Variants in PCDH15 observed in about 807,000 individuals in gnomAD.
PCDH15 encodes the protein protocadherin related 15, also known as protocadherin-15.
PCDH15 carries 129 observed loss-of-function variants against 178.5 expected under a neutral mutation model. The ratio of observed to expected loss-of-function variants is 0.72; its 90% confidence interval spans 0.63 to 0.84. The LOEUF (loss-of-function observed/expected upper bound fraction) is 0.84. Ranked by LOEUF, PCDH15 falls within the 40% of genes least tolerant of loss-of-function variation. The probability of loss-of-function intolerance (pLI) is 0.00; values close to 1 mark genes in which losing one functional copy is unlikely to be tolerated. For synonymous variants in PCDH15, 800 were observed against 732.0 expected, an observed-to-expected ratio of 1.09 and a Z score of -1.50; for missense variants, 2,230 against 2,099.9, an observed-to-expected ratio of 1.06 and a Z score of -1.21.
At chr10:54,103,158 TTC>T (rs1347505306) in intron 15 of PCDH15, among the ~76,000 whole-genome samples, 1 of 152,184 alleles carries the variant, frequency 6.6e-6, no homozygotes, top group Non-Finnish European at 1.5e-5. Flanking sequence ...GGGGTCATGA[TTC>T]TCTGTTTTTA....
In PCDH15 at chr10:54,757,561, G is replaced by C. The variant is rs558822303; in HGVS notation, c.-29+43364C>G. Among the ~76,000 whole-genome samples the C allele has an allele frequency of 1.4e-3, 44 of 32,322 alleles. 18 individuals are homozygous for C. Among genetic ancestry groups the C allele is most frequent in the African/African-American group, 7.7e-3 (43 of 5,592 alleles). 21.2% of individuals were successfully genotyped at this position (32,322 alleles called of 152,430 possible). On this transcript the variant is annotated intron_variant, in intron 1 of 37. Coordinates refer to ENST00000644397, the MANE Select transcript of PCDH15 (RefSeq NM_001384140.1). The stretch of plus-strand genomic sequence containing the variant: ...CTCCCAAAGTGCTGGGATTACAGGC[G>C]TGAGCCACCGCGCCCGGCCAATTCT...
intron 2 of PCDH15, among the ~76,000 whole-genome samples, chr10:55,071,691 G>A (rs1280904528): frequency 6.6e-6 from 1 of 152,078 alleles, no homozygotes; most frequent in East Asian, 1.9e-4. Flanking sequence ...AGATCAACGA[G>A]CCAGAAAGTT....
upstream of PCDH15, among the ~76,000 whole-genome samples, chr10:54,803,116 T>C (rs866396459): frequency 6.6e-6 from 1 of 152,164 alleles, no homozygotes; most frequent in Non-Finnish European, 1.5e-5. Flanking sequence ...GAGATGATAT[T>C]TTCTTTGAAA....
At chr10:54,427,272 T>A (rs1413003033) in intron 3 of PCDH15, among the ~76,000 whole-genome samples, 1 of 119,296 alleles carries the variant, frequency 8.4e-6, no homozygotes, top group African/African-American at 4.4e-5. Context: ...TTTTCTGGTT[T>A]TTTTTTTTTT....
chr10:54,987,802 C>T (rs562362132), intron 2 of PCDH15, among the ~76,000 whole-genome samples: 26 of 151,496 alleles, frequency 1.7e-4, no homozygotes, highest in Non-Finnish European at 2.9e-4. Context: ...TTTTTCCCCA[C>T]GCTGTAGGTT....
intron 2 of PCDH15, among the ~76,000 whole-genome samples, chr10:54,588,721 G>A (rs1052618392): frequency 1.3e-5 from 2 of 152,006 alleles, no homozygotes; most frequent in African/African-American, 2.4e-5. Context: ...GACTACAGTT[G>A]CATGTGACCA....
rs563435097 is a variant in PCDH15, at chr10:53,950,994, T to C, written c.3122+8738A>G. ...GTTACTGTGGACTGAAATCTGTTTATGTTTGTATGAAGGACATAGTTCCTA... is the reference window on the plus strand; with the variant it reads ...GTTACTGTGGACTGAAATCTGTTTACGTTTGTATGAAGGACATAGTTCCTA... On this transcript the variant is annotated intron_variant, in intron 23 of 37. Coordinates refer to ENST00000644397, the MANE Select transcript of PCDH15 (RefSeq NM_001384140.1). 3.3e-5 allele frequency among the ~76,000 whole-genome samples: 5 copies of C among 152,314 alleles called. No homozygotes were observed. In the South Asian group the frequency reaches 1.0e-3, roughly 32 times the overall value.
At chr10:53,910,986 C>A (rs1329541372) in intron 25 of PCDH15, among the ~76,000 whole-genome samples, 1 of 152,080 alleles carries the variant, frequency 6.6e-6, no homozygotes, top group Non-Finnish European at 1.5e-5. Flanking sequence ...AAGAAATGAA[C>A]AAAGCCTCCA....
chr10:55,068,646 A>G (rs550262995), intron 2 of PCDH15, among the ~76,000 whole-genome samples: 1 of 152,104 alleles, frequency 6.6e-6, no homozygotes, highest in East Asian at 1.9e-4. Flanking sequence ...TGCTATTTTC[A>G]TAGGGATTAC....
At chr10:54,203,571 G>A (rs7092751) in intron 10 of PCDH15, among the ~76,000 whole-genome samples, 136,852 of 152,200 alleles carry the variant, frequency 0.9, 61,691 homozygotes, top group East Asian at 0.98. Context: ...GTACCCGGAA[G>A]GCAGATAATG....
intron 20 of PCDH15, among the ~76,000 whole-genome samples, chr10:54,017,553 C>G (rs747561086): frequency 3.9e-5 from 6 of 152,148 alleles, no homozygotes; most frequent in Non-Finnish European, 7.3e-5. Context: ...AAACCAAATA[C>G]TGCATGTTCT....
intron 15 of PCDH15, among the ~76,000 whole-genome samples, chr10:54,122,289 C>T (rs554416549): frequency 1.1e-4 from 17 of 151,910 alleles, no homozygotes; most frequent in African/African-American, 3.1e-4. Flanking sequence ...TCGAGAGACG[C>T]GGAAAAAGCT....
chr10:55,605,359 C>T (rs972044596), intron 2 of PCDH15, among the ~76,000 whole-genome samples: 1 of 151,722 alleles, frequency 6.6e-6, no homozygotes, highest in Non-Finnish European at 1.5e-5. Flanking sequence ...CTATTCCAAT[C>T]AATAGAAAAA....
intron 2 of PCDH15, among the ~76,000 whole-genome samples, chr10:55,349,635 T>C (rs1402982155): frequency 6.6e-6 from 1 of 152,114 alleles, no homozygotes. Context: ...AAAAAAAAGA[T>C]ACTATGAAAA....
intron 15 of PCDH15, among the ~76,000 whole-genome samples, chr10:54,106,644 T>C (rs2094922751): frequency 6.6e-6 from 1 of 152,158 alleles, no homozygotes; most frequent in Non-Finnish European, 1.5e-5. Context: ...CTTCAAGTGG[T>C]ATAGGATTAG....
intron 2 of PCDH15, among the ~76,000 whole-genome samples, chr10:55,057,218 G>A (rs186932326): frequency 6.6e-6 from 1 of 151,864 alleles, no homozygotes; most frequent in Non-Finnish European, 1.5e-5. Flanking sequence ...TTATCATTTG[G>A]TCTTTAATCT....
chr10:55,326,208 T>C (rs1029336010), intron 2 of PCDH15, among the ~76,000 whole-genome samples: 2 of 152,176 alleles, frequency 1.3e-5, no homozygotes, highest in Non-Finnish European at 2.9e-5. Flanking sequence ...AAAGTTACCA[T>C]TTAACCCAGA....
intron 26 of PCDH15, among the ~76,000 whole-genome samples, chr10:53,872,354 T>C (rs1000705962): frequency 1.3e-5 from 2 of 152,240 alleles, no homozygotes; most frequent in Non-Finnish European, 2.9e-5. Flanking sequence ...TTAATTTATA[T>C]ATTAAACTTT....
At chr10:54,189,417 T>A in intron 11 of PCDH15, 2 of 1,447,186 alleles carry the variant, frequency 1.4e-6, no homozygotes, top group Non-Finnish European at 1.9e-6. Context: ...ATAAATATTG[T>A]AAATGTAAAT....
Sources: allele counts gnomAD v4.1 joint callset (sites outside exome capture counted in the v4.1 genomes callset), GRCh38; gene constraint gnomAD v4.1.1; transcripts MANE v1.5; gene names NCBI Gene and HGNC (gene_info 2026-07-23, HGNC 2026-07-21).